SLC24A2: variants seen among roughly 807,000 people sequenced by gnomAD.
The protein encoded by SLC24A2 is solute carrier family 24 member 2.
A neutral mutation model predicts 62.0 loss-of-function variants in SLC24A2; 36 were observed. That is an observed-to-expected ratio of 0.58 (90% confidence interval 0.44 to 0.77). SLC24A2 has a LOEUF of 0.77. Among genes scored for constraint, SLC24A2 ranks in the 30% least tolerant of loss-of-function variants. SLC24A2 has a pLI of 0.00. For synonymous variants in SLC24A2, 358 were observed against 294.0 expected, an observed-to-expected ratio of 1.22 and a Z score of -2.23; for missense variants, 846 against 817.9, an observed-to-expected ratio of 1.03 and a Z score of -0.42.
At chr9:19,818,321 T>C in the SLC24A2 span, among the ~76,000 whole-genome samples, 9 of 152,124 alleles carry the variant, frequency 5.9e-5, no homozygotes, top group Non-Finnish European at 8.8e-5. Flanking sequence ...AGAGAATCTG[T>C]AAGCTGGAAA....
In SLC24A2 at chr9:19,525,541, C is replaced by G. The variant is rs1674176508; in HGVS notation, c.1569+2508G>C. ...CACTCAACCTCCCGAGTAGCTGGGA[C>G]TACAGGCGTGTGCTACCATGGCCAG... On this transcript the variant is annotated intron_variant, in intron 9 of 10. Transcript: ENST00000341998. Among the ~76,000 whole-genome samples, 3 of 151,454 alleles carry G rather than the reference C, an allele frequency of 2.0e-5. No individual in the cohort carries two copies. In the South Asian group the frequency reaches 6.2e-4, roughly 32 times the overall value.
At chr9:20,278,952 C>A in the SLC24A2 span, among the ~76,000 whole-genome samples, 1 of 152,108 alleles carries the variant, frequency 6.6e-6, no homozygotes, top group Admixed American at 6.6e-5. Flanking sequence ...GATTAGGAGG[C>A]CTCAAGGCAC....
chr9:19,867,418 T>C, the SLC24A2 span, among the ~76,000 whole-genome samples: 5,283 of 152,294 alleles, frequency 0.035, 339 homozygotes, highest in African/African-American at 0.12. Flanking sequence ...GTAATTTGTG[T>C]CTTTCTAGGA....
the SLC24A2 span, among the ~76,000 whole-genome samples, chr9:20,081,503 C>T: frequency 6.7e-6 from 1 of 148,630 alleles, no homozygotes; most frequent in South Asian, 2.2e-4. Context: ...GGGGGAGGGA[C>T]AACATTAGGA....
chr9:19,813,358 T>C, the SLC24A2 span, among the ~76,000 whole-genome samples: 1 of 133,692 alleles, frequency 7.5e-6, no homozygotes, highest in African/African-American at 2.8e-5. Context: ...AGTCTCACTC[T>C]GTCACCTAGG....
At chr9:20,025,237 C>T in the SLC24A2 span, among the ~76,000 whole-genome samples, 1 of 152,268 alleles carries the variant, frequency 6.6e-6, no homozygotes, top group Non-Finnish European at 1.5e-5. Flanking sequence ...AAACACTACG[C>T]TAGAATGTAT....
chr9:19,549,899 A>C (rs1318788036), intron 8 of SLC24A2, among the ~76,000 whole-genome samples: 1 of 152,244 alleles, frequency 6.6e-6, no homozygotes, highest in Non-Finnish European at 1.5e-5. Context: ...CTGAACAATC[A>C]GTGTGATTGT....
intron 10 of SLC24A2, among the ~76,000 whole-genome samples, chr9:19,517,949 A>ACT (rs1392202088): frequency 2.7e-5 from 4 of 147,898 alleles, no homozygotes; most frequent in Non-Finnish European, 5.9e-5. Context: ...ACACACACAC[A>ACT]CACACACACT....
At chr9:20,038,576 C>T in the SLC24A2 span, among the ~76,000 whole-genome samples, 1 of 151,180 alleles carries the variant, frequency 6.6e-6, no homozygotes, top group African/African-American at 2.4e-5. Flanking sequence ...TTCTCTTCTC[C>T]CATCCTCTCC....
At chr9:20,083,571 T>A in the SLC24A2 span, among the ~76,000 whole-genome samples, 5 of 152,374 alleles carry the variant, frequency 3.3e-5, no homozygotes, top group East Asian at 9.6e-4. Flanking sequence ...AGCAGCGAAT[T>A]GCCATTCAGT....
the SLC24A2 span, among the ~76,000 whole-genome samples, chr9:20,106,418 T>A: frequency 0.11 from 16,062 of 152,070 alleles, 1,494 homozygotes; most frequent in East Asian, 0.53. Flanking sequence ...TAGACCAATA[T>A]CCTTGATGAA....
chr9:20,062,092 G>C, the SLC24A2 span, among the ~76,000 whole-genome samples: 7 of 152,240 alleles, frequency 4.6e-5, no homozygotes, highest in South Asian at 1.2e-3. Context: ...ACCCAGGCGT[G>C]GTGGCACATG....
intron 2 of SLC24A2, among the ~76,000 whole-genome samples, chr9:19,646,453 C>T (rs751697523): frequency 1.1e-4 from 17 of 152,168 alleles, no homozygotes; most frequent in Admixed American, 2.6e-4. Flanking sequence ...AGAGAAATTT[C>T]TCTAAAGCTC....
chr9:19,642,566 T>G (rs1818528685), intron 2 of SLC24A2, among the ~76,000 whole-genome samples: 1 of 151,942 alleles, frequency 6.6e-6, no homozygotes, highest in South Asian at 2.1e-4. Context: ...ACTTAAAGAG[T>G]AGTTATGCCT....
At chr9:19,594,774 C>T (rs118166051) in intron 5 of SLC24A2, among the ~76,000 whole-genome samples, 1 of 152,296 alleles carries the variant, frequency 6.6e-6, no homozygotes, top group East Asian at 1.9e-4. Context: ...ACATAAATCA[C>T]ATATATTATT....
intron 7 of SLC24A2, among the ~76,000 whole-genome samples, chr9:19,560,897 G>GTGTGTGTGTGTA (rs1287721646): frequency 5.4e-5 from 7 of 128,496 alleles, no homozygotes; most frequent in African/African-American, 2.0e-4. Context: ...GTGTGTGTGT[G>GTGTGTGTGTGTA]TATATATATA....
the SLC24A2 span, among the ~76,000 whole-genome samples, chr9:20,030,049 AT>A: frequency 2.6e-5 from 4 of 152,176 alleles, no homozygotes; most frequent in Admixed American, 1.3e-4. Context: ...AGTTTACCGC[AT>A]TAGAAAGTTT....
the SLC24A2 span, among the ~76,000 whole-genome samples, chr9:20,124,454 G>A: frequency 1.3e-5 from 2 of 152,066 alleles, no homozygotes; most frequent in Non-Finnish European, 1.5e-5. Context: ...TGAATACAGG[G>A]AAATTTAATG....
the SLC24A2 span, among the ~76,000 whole-genome samples, chr9:20,081,106 G>C: frequency 1.3e-5 from 2 of 152,178 alleles, no homozygotes; most frequent in South Asian, 2.1e-4. Context: ...AATACCATTT[G>C]ACCCAGCCAT....
Sources: allele counts gnomAD v4.1 joint callset (sites outside exome capture counted in the v4.1 genomes callset), GRCh38; gene constraint gnomAD v4.1.1; transcripts MANE v1.5; gene names NCBI Gene and HGNC (gene_info 2026-07-23, HGNC 2026-07-21).